The following ERBB2 variants were observed in gnomAD, a reference collection of about 807,000 sequenced individuals.
ERBB2 encodes erb-b2 receptor tyrosine kinase 2.
Under a neutral mutation model 149.0 loss-of-function variants are expected in ERBB2, and 61 were observed. The ratio of observed to expected loss-of-function variants is 0.41; its 90% CI spans 0.33 to 0.51. ERBB2 has a LOEUF of 0.51. ERBB2 is among the 20% of genes least tolerant of loss of function. ERBB2 has a pLI of 0.25. For missense variants in ERBB2, 1,205 were observed against 1,655.1 expected, an observed-to-expected ratio of 0.73 and a Z score of 4.72; for synonymous variants, 633 against 678.8, an observed-to-expected ratio of 0.93 and a Z score of 1.05.
At chr17:39,716,968 G>C (rs974321551) in intron 14 of ERBB2, 1 of 436,150 alleles carries the variant, frequency 2.3e-6, no homozygotes, top group East Asian at 3.8e-5. Flanking sequence ...ACCTTGCTGG[G>C]GTGTGGCAAG....
intron 2 of ERBB2, 186 bp from the exon 3 acceptor site, chr17:39,708,135 T>G (rs897807138): frequency 1.3e-5 from 7 of 545,828 alleles, no homozygotes; most frequent in African/African-American, 1.1e-4. Context: ...CTTGATCATA[T>G]AAGAATCTGG....
chr17:39,716,208 AGCCCACAGCCAT>A, intron 12 of ERBB2, 81 bp from the exon 13 acceptor site: 2 of 1,395,250 alleles, frequency 1.4e-6, no homozygotes, highest in Non-Finnish European at 1.9e-6. Flanking sequence ...CCACCCCTCC[AGCCCACAGCCAT>A]GCCCACAGCC....
At chr17:39,699,856 C>G, upstream of ERBB2, 1 of 592,158 alleles carries the variant, frequency 1.7e-6, no homozygotes, top group Non-Finnish European at 2.7e-6. Context: ...GCAGGCAACC[C>G]AGGCGTCCCG....
Position 39,724,866 on chromosome 17 carries a change from C to A in ERBB2, c.2448C>A (p.Arg816=), listed in dbSNP as rs762819802. Residue 816 remains arginine (R), a synonymous_variant, in exon 20 of 27, where the codon CGC becomes CGA. Transcript: ENST00000269571. ...LLDHVRENRG[R]LGSQDLLNWC... is the part of the protein sequence containing the mutation. ...ACCATGTCCGGGAAAACCGCGGACGCCTGGGCTCCCAGGACCTGCTGAACT... is the reference window on the plus strand; with the variant it reads ...ACCATGTCCGGGAAAACCGCGGACGACTGGGCTCCCAGGACCTGCTGAACT... The A allele has an allele frequency of 1.9e-6, 3 of 1,614,100 alleles. No individual in the cohort carries two copies. The highest frequency in any genetic ancestry group is 2.7e-5 in the African/African-American group (2 of 74,934).
chr17:39,708,245 GT>G, intron 2 of ERBB2, 75 bp from the exon 3 acceptor site: 1 of 1,165,724 alleles, frequency 8.6e-7, no homozygotes, highest in Non-Finnish European at 1.2e-6. Flanking sequence ...AGATCTCCAA[GT>G]ACTGGGGAAC....
In ERBB2 at chr17:39,727,591, G is replaced by A. The variant is rs751809219; in HGVS notation, c.3412+44G>A. The A allele has an allele frequency of 6.3e-7, 1 of 1,580,450 alleles. No individual in the cohort carries two copies. Among genetic ancestry groups the A allele is most frequent in the Admixed American group, 2.1e-5 (1 of 47,968 alleles). On this transcript the variant is annotated intron_variant, in intron 26 of 26. Coordinates refer to ENST00000269571, the MANE Select transcript of ERBB2 (RefSeq NM_004448.4). The surrounding 1 kb of genome is among the most constrained non-coding windows in gnomAD (Gnocchi z 4.3). ...GCAGAGAGACTGATGGGCAGGGGAG[G>A]TGGGACCTTCAGCCCAGGGTCCACT... is the stretch of plus-strand genomic sequence containing the variant.
Position 39,725,280 on chromosome 17 carries a change from C to T in ERBB2, c.2650-47C>T, listed in dbSNP as rs763302579. 3 of 1,612,638 alleles carry T rather than the reference C, an allele frequency of 1.9e-6. No homozygotes were observed. The highest frequency in any genetic ancestry group is 2.2e-5 in the East Asian group (1 of 44,868). ...CCCATGGGAGAACTCTGAGTGGCCACCTCCCCACAACACACAGTTGGAGGA... is the reference window on the plus strand; with the variant it reads ...CCCATGGGAGAACTCTGAGTGGCCATCTCCCCACAACACACAGTTGGAGGA... On this transcript the variant is annotated intron_variant, in intron 21 of 26. Coordinates refer to ENST00000269571, the MANE Select transcript of ERBB2 (RefSeq NM_004448.4). This position sits in a 1 kb window ranked among gnomAD's most constrained non-coding sequence, Gnocchi z 4.6.
In ERBB2 at chr17:39,727,388, G is replaced by A. The variant is rs1208224755; in HGVS notation, c.3253G>A (p.Val1085Ile). ...LAPSEGAGSD[V>I]FDGDLGMGAA... ...ACCCTCCGAAGGGGCTGGCTCCGATGTATTTGATGGTGACCTGGGAATGGG... is the reference window on the plus strand; with the variant it reads ...ACCCTCCGAAGGGGCTGGCTCCGATATATTTGATGGTGACCTGGGAATGGG... The change falls in exon 26 of 27, where the codon GTA (valine) becomes ATA (isoleucine). Residue 1085 changes from valine (V) to isoleucine (I), a missense_variant. Physicochemically the swap from Val to Ile is conservative, Grantham distance 29. Transcript: ENST00000269571. The surrounding 1 kb of genome is among the most constrained non-coding windows in gnomAD (Gnocchi z 4.3). 1.2e-6 allele frequency: 2 copies of A among 1,609,974 alleles called. No individual in the cohort carries two copies. Among genetic ancestry groups the A allele is most frequent in the Non-Finnish European group, 1.7e-6 (2 of 1,178,556 alleles).
rs2059904436 is a variant in ERBB2, at chr17:39,728,636, T to C, written c.*592T>C. 4.3e-6 allele frequency: 1 copy of C among 233,032 alleles called. No individual in the cohort carries two copies. 14.4% of individuals were successfully genotyped at this position (233,032 alleles called of 1,614,324 possible). A position where few individuals can be genotyped will look rare whatever the true frequency, so the allele number is the denominator to read the frequency against. On this transcript the variant is annotated 3_prime_UTR_variant, in exon 27 of 27. Coordinates refer to ENST00000269571, the MANE Select transcript of ERBB2 (RefSeq NM_004448.4). The stretch of plus-strand genomic sequence containing the variant: ...CCTTCTCCACACCCACTTTGTCCAT[T>C]TGCAAATATATTTTGGAAAACAGCT...
chr17:39,712,285 G>T (rs2058851946), intron 8 of ERBB2, 37 bp from the exon 9 acceptor site: 1 of 1,612,536 alleles, frequency 6.2e-7, no homozygotes, highest in Admixed American at 1.7e-5. Flanking sequence ...TATGAAGGCT[G>T]AGACGGCCCC....
upstream of ERBB2, chr17:39,699,671 T>C: frequency 1.1e-6 from 1 of 921,494 alleles, no homozygotes; most frequent in South Asian, 1.4e-5. Flanking sequence ...TTAAAACAAA[T>C]AGGCTTGGGA....
intron 1 of ERBB2, among the ~76,000 whole-genome samples, chr17:39,704,146 A>G (rs778505410): frequency 2.0e-5 from 3 of 152,128 alleles, no homozygotes; most frequent in Non-Finnish European, 4.4e-5. Flanking sequence ...CACTCAGCAG[A>G]CACTTATCTA....
Position 39,711,911 on chromosome 17 carries a change from G to A in ERBB2, c.902-17G>A, listed in dbSNP as rs1809185818. ...GAAGGGCCAGGGTATGTGGCTACAT[G>A]TTCCTGATCTCCTTAGACAACTACC... On this transcript the variant is annotated splice_polypyrimidine_tract_variant and intron_variant, in intron 7 of 26. Coordinates refer to ENST00000269571, the MANE Select transcript of ERBB2 (RefSeq NM_004448.4). 1 of 1,613,856 alleles carries A rather than the reference G, an allele frequency of 6.2e-7. No homozygotes were observed. The highest frequency in any genetic ancestry group is 1.3e-5 in the African/African-American group (1 of 74,942).
Position 39,726,754 on chromosome 17 carries a change from C to T in ERBB2, c.2971-61C>T, listed in dbSNP as rs1333013599. On this transcript the variant is annotated intron_variant, in intron 24 of 26. Transcript: ENST00000269571. This position sits in a 1 kb window ranked among gnomAD's most constrained non-coding sequence, Gnocchi z 5.1. ...GATGAGTCCAGTATGCCAGGCCCCT[C>T]ACGGAAGGCTGCATGCTGGGCTGGG... 2 of 1,592,260 alleles carry T rather than the reference C, an allele frequency of 1.3e-6. No homozygotes were observed. The highest frequency in any genetic ancestry group is 1.7e-6 in the Non-Finnish European group (2 of 1,160,546).
chr17:39,695,704 T>TACACACACACACACACAC (rs56249643), upstream of ERBB2, among the ~76,000 whole-genome samples: 785 of 96,644 alleles, frequency 8.1e-3, 54 homozygotes, highest in East Asian at 0.023. Flanking sequence ...GGTGCATGCA[T>TACACACACACACACACAC]ACACACACAC....
rs548142907 is a variant in ERBB2 at position 39,709,538 on chromosome 17, C to A, written c.574+86C>A. On this transcript the variant is annotated intron_variant, in intron 4 of 26. Transcript: ENST00000269571. Reference sequence around the variant, plus strand: ...CCCAACTTACAACCCAGTGCCTGCCCGCCACTGCCCCAGCCGCCTACACCA... The same window carrying A: ...CCCAACTTACAACCCAGTGCCTGCCAGCCACTGCCCCAGCCGCCTACACCA... 4 of 1,513,002 alleles carry A rather than the reference C, an allele frequency of 2.6e-6. No homozygotes were observed. In the African/African-American group the frequency reaches 4.1e-5, roughly 16 times the overall value. The allele number at this position is 1,513,002 out of a possible 1,614,324, so 93.7% of individuals were successfully genotyped here. A position where few individuals can be genotyped will look rare whatever the true frequency, so the allele number is the denominator to read the frequency against.
At position 39,700,306 on chromosome 17, in the gene ERBB2, C is replaced by A; in HGVS notation, c.68C>A (p.Thr23Asn). ...LALLPPGAAS[T>N]QVCTGTDMKL... Reference sequence around the variant, plus strand: ...CTCTTGCCCCCCGGAGCCGCGAGCACCCAAGGTGGGTCTGGTGTGGGGAGG... The same window carrying A: ...CTCTTGCCCCCCGGAGCCGCGAGCAACCAAGGTGGGTCTGGTGTGGGGAGG... Residue 23 changes from threonine (T) to asparagine (N), a missense_variant, in exon 1 of 27, where the codon ACC (threonine) becomes AAC (asparagine). By Grantham distance (65) the Thr-to-Asn change is moderately conservative. Around this residue, in one of 6 missense-constraint regions of ERBB2, gnomAD observed 101 missense variants for 95.1 expected, o/e 1.06. Transcript: ENST00000269571. 1 of 1,419,822 alleles carries A rather than the reference C, an allele frequency of 7.0e-7. No homozygotes were observed. Among genetic ancestry groups the A allele is most frequent in the South Asian group, 1.5e-5 (1 of 67,554 alleles). The allele number at this position is 1,419,822 out of a possible 1,614,324, so 88.0% of individuals were successfully genotyped here.
At position 39,717,462 on chromosome 17, in the gene ERBB2, C is replaced by T. The variant is rs2059200324; in HGVS notation, c.1880C>T (p.Pro627Leu). 1 of 1,613,052 alleles carries T rather than the reference C, an allele frequency of 6.2e-7. No homozygotes were observed. ...GAGGAGGGCGCATGCCAGCCTTGCCCCATCAACTGCACCCACTCGTGAGTC... is the reference window on the plus strand; with the variant it reads ...GAGGAGGGCGCATGCCAGCCTTGCCTCATCAACTGCACCCACTCGTGAGTC... ...PDEEGACQPC[P>L]INCTHSCVDL... The change falls in exon 15 of 27, where the codon CCC becomes CTC. Residue 627 changes from proline (P) to leucine (L), a missense_variant. Physicochemically the swap from Pro to Leu is moderately conservative, Grantham distance 98. Coordinates refer to ENST00000269571, the MANE Select transcript of ERBB2 (RefSeq NM_004448.4).
chr17:39,693,204 A>C (rs1231158134), upstream of ERBB2: 1 of 152,150 alleles, frequency 6.6e-6, no homozygotes, highest in African/African-American at 2.4e-5. Context: ...CACCTCTGCC[A>C]CCCCCAAAAT....
Sources: allele counts gnomAD v4.1 joint callset (sites outside exome capture counted in the v4.1 genomes callset), GRCh38; gene constraint gnomAD v4.1.1; regional missense constraint gnomAD v4.1.1; non-coding constraint Gnocchi (gnomAD v3.1); transcripts MANE v1.5; gene names NCBI Gene and HGNC (gene_info 2026-07-23, HGNC 2026-07-21).